The following TBC1D30 variants were observed in gnomAD, a reference collection of about 807,000 sequenced individuals.
TBC1D30 encodes the protein TBC1 domain family member 30, also known as TBC1 domain family, member 30.
In TBC1D30, 31 loss-of-function variants were observed where a neutral mutation model predicts 63.2. The ratio of observed to expected loss-of-function variants is 0.49; its 90% CI spans 0.37 to 0.66. The LOEUF (loss-of-function observed/expected upper bound fraction) is 0.66. TBC1D30 is among the 30% of genes least tolerant of loss of function. TBC1D30 has a pLI of 0.00. For missense variants in TBC1D30, 810 were observed against 953.6 expected, an observed-to-expected ratio of 0.85 and a Z score of 1.98; for synonymous variants, 307 against 361.5, an observed-to-expected ratio of 0.85 and a Z score of 1.71.
intron 3 of TBC1D30, among the ~76,000 whole-genome samples, chr12:64,828,767 T>C (rs1874580791): frequency 6.6e-6 from 1 of 152,104 alleles, no homozygotes; most frequent in Non-Finnish European, 1.5e-5. Context: ...ATAAAGTATG[T>C]CAGATGGTAA....
At chr12:64,779,194 A>G (rs929506593), upstream of TBC1D30, 2 of 152,212 alleles carry the variant, frequency 1.3e-5, no homozygotes, top group African/African-American at 4.8e-5. Context: ...TGGGAAGCCA[A>G]TTAAAAAAAT....
chr12:64,776,489 C>G (rs57495100), upstream of TBC1D30, among the ~76,000 whole-genome samples: 2 of 152,018 alleles, frequency 1.3e-5, no homozygotes, highest in African/African-American at 4.8e-5. Flanking sequence ...CATCTATGCA[C>G]ATAAACTAGA....
At chr12:64,874,962 TG>T in intron 11 of TBC1D30, 38 bp from the exon 12 acceptor site, 1 of 1,498,124 alleles carries the variant, frequency 6.7e-7, no homozygotes, top group African/African-American at 1.4e-5. Context: ...TGTGTTTCTT[TG>T]TGGTACACTT....
intron 1 of TBC1D30, among the ~76,000 whole-genome samples, chr12:64,769,586 C>G (rs552564958): frequency 1.2e-3 from 184 of 150,126 alleles, no homozygotes; most frequent in African/African-American, 4.3e-3. Flanking sequence ...CGGGGTTTCA[C>G]CATCTTGGAC....
intron 8 of TBC1D30, 99 bp from the exon 9 acceptor site, chr12:64,864,554 AGCAGTATCTGCCTCT>A: frequency 1.5e-6 from 1 of 679,422 alleles, no homozygotes; most frequent in Non-Finnish European, 2.6e-6. Context: ...CTGTGTAAGG[AGCAGTATCTGCCTCT>A]TCACACTCGA....
intron 8 of TBC1D30, among the ~76,000 whole-genome samples, chr12:64,862,578 C>G (rs922341946): frequency 2.0e-5 from 3 of 151,984 alleles, no homozygotes; most frequent in African/African-American, 7.2e-5. Flanking sequence ...TATGAACTTC[C>G]TTCACAAGGC....
Position 64,864,654 on chromosome 12 carries a change from C to T in TBC1D30, c.1039-14C>T, listed in dbSNP as rs1322148345. The T allele has an allele frequency of 1.3e-6, 2 of 1,527,194 alleles. No homozygotes were observed. The highest frequency in any genetic ancestry group is 2.0e-5 in the Admixed American group (1 of 50,798). The allele number at this position is 1,527,194 out of a possible 1,614,324, so 94.6% of individuals were successfully genotyped here. On this transcript the variant is annotated splice_polypyrimidine_tract_variant and intron_variant, in intron 8 of 11. Coordinates refer to ENST00000539867, the MANE Select transcript of TBC1D30 (RefSeq NM_015279.2). ...TACTGTTTCAGACTTGGCATTTTTG[C>T]TTTTGTTTTACAGACTGTTTATTCC... is the stretch of plus-strand genomic sequence containing the variant.
At chr12:64,858,022 C>T (rs1203423015) in intron 8 of TBC1D30, among the ~76,000 whole-genome samples, 1 of 152,200 alleles carries the variant, frequency 6.6e-6, no homozygotes, top group Non-Finnish European at 1.5e-5. Context: ...CTTCCCTTCT[C>T]AATGCCTCTT....
intron 8 of TBC1D30, among the ~76,000 whole-genome samples, chr12:64,845,130 A>G (rs1027815910): frequency 1.3e-5 from 2 of 152,134 alleles, no homozygotes; most frequent in Non-Finnish European, 2.9e-5. Context: ...TTGGGCTTGT[A>G]CCCAGCAGGG....
chr12:64,778,549 CTTTTTTT>C (rs34519163), upstream of TBC1D30, among the ~76,000 whole-genome samples: 4 of 78,852 alleles, frequency 5.1e-5, no homozygotes, highest in East Asian at 1.7e-3. Flanking sequence ...ACAGAGAAGC[CTTTTTTT>C]TTTTTTTTTT....
At chr12:64,778,580 G>A, upstream of TBC1D30, among the ~76,000 whole-genome samples, 1 of 118,520 alleles carries the variant, frequency 8.4e-6, no homozygotes, top group Admixed American at 9.5e-5. Context: ...TTTTTAAGAT[G>A]GAGTCTCACT....
At chr12:64,785,822 C>A in intron 1 of TBC1D30, 1 of 1,224,146 alleles carries the variant, frequency 8.2e-7, no homozygotes, top group Non-Finnish European at 1.1e-6. Flanking sequence ...TAATATCACA[C>A]TGGAATTTGT....
At chr12:64,872,037 G>A (rs1448341648) in intron 11 of TBC1D30, among the ~76,000 whole-genome samples, 1 of 152,140 alleles carries the variant, frequency 6.6e-6, no homozygotes, top group African/African-American at 2.4e-5. Flanking sequence ...TTGTTTGTTT[G>A]TTTGTTTTGA....
chr12:64,852,976 A>G (rs912924410), intron 8 of TBC1D30, among the ~76,000 whole-genome samples: 4 of 152,150 alleles, frequency 2.6e-5, no homozygotes, highest in Non-Finnish European at 4.4e-5. Flanking sequence ...TCAGGGCCCC[A>G]CTTGAGGAGG....
At chr12:64,855,486 G>A (rs1877223825) in intron 8 of TBC1D30, among the ~76,000 whole-genome samples, 1 of 151,982 alleles carries the variant, frequency 6.6e-6, no homozygotes, top group Admixed American at 6.6e-5. Flanking sequence ...GAGGCTATTT[G>A]CTAGATTCCA....
Position 64,875,911 on chromosome 12 carries a change from GC to G in TBC1D30, c.*126del. 9.6e-7 allele frequency: 1 copy of G among 1,043,180 alleles called. No homozygotes were observed. Among genetic ancestry groups the G allele is most frequent in the Non-Finnish European group, 1.3e-6 (1 of 756,708 alleles). The allele number at this position is 1,043,180 out of a possible 1,614,324, so 64.6% of individuals were successfully genotyped here. ...TGAATAGGTTCAGGGATGAGCAACA[GC>G]CCATAAAAAATGGGAACTGGAAGTT... On this transcript the variant is annotated 3_prime_UTR_variant, in exon 12 of 12. Transcript: ENST00000539867.
At position 64,877,122 on chromosome 12, in the gene TBC1D30, C is replaced by T; in HGVS notation, c.*1334C>T. 3.4e-6 allele frequency: 1 copy of T among 295,184 alleles called. No individual in the cohort carries two copies. Among genetic ancestry groups the T allele is most frequent in the East Asian group, 8.3e-5 (1 of 12,044 alleles). 18.3% of individuals were successfully genotyped at this position (295,184 alleles called of 1,614,324 possible). On this transcript the variant is annotated 3_prime_UTR_variant, in exon 12 of 12. Coordinates refer to ENST00000539867, the MANE Select transcript of TBC1D30 (RefSeq NM_015279.2). ...CAGATGGTACAGAGTCCCTTGATGG[C>T]ATTTTACAAAACCAGCTCTGACTTC... is the stretch of plus-strand genomic sequence containing the variant.
chr12:64,872,214 G>A (rs959447948), intron 11 of TBC1D30, among the ~76,000 whole-genome samples: 1 of 152,126 alleles, frequency 6.6e-6, no homozygotes, highest in African/African-American at 2.4e-5. Context: ...TTTTAGTAGA[G>A]ACGGGATTTC....
chr12:64,828,119 A>T (rs1027117108), intron 2 of TBC1D30, among the ~76,000 whole-genome samples: 7 of 152,236 alleles, frequency 4.6e-5, no homozygotes, highest in East Asian at 1.9e-4. Flanking sequence ...GAAAAATTTT[A>T]AAATGAATAA....
Sources: allele counts gnomAD v4.1 joint callset (sites outside exome capture counted in the v4.1 genomes callset), GRCh38; gene constraint gnomAD v4.1.1; transcripts MANE v1.5; gene names NCBI Gene and HGNC (gene_info 2026-07-23, HGNC 2026-07-21).